The following IGF1R variants were observed in gnomAD, a reference collection of about 807,000 sequenced individuals.
The protein encoded by IGF1R is insulin-like growth factor 1 receptor.
In IGF1R, 44 loss-of-function variants were observed where a neutral mutation model predicts 144.6. The ratio of observed to expected loss-of-function variants is 0.30; its 90% CI spans 0.24 to 0.39. IGF1R has a LOEUF of 0.39. Ranked by LOEUF, IGF1R falls within the 10% of genes least tolerant of loss-of-function variation. The pLI is 1.00. For synonymous variants in IGF1R, 795 were observed against 722.8 expected, an observed-to-expected ratio of 1.10 and a Z score of -1.60; for missense variants, 1,355 against 1,833.7, an observed-to-expected ratio of 0.74 and a Z score of 4.77.
chr15:98,769,545 G>T (rs763423729), intron 2 of IGF1R, among the ~76,000 whole-genome samples: 73 of 152,186 alleles, frequency 4.8e-4, no homozygotes, highest in Non-Finnish European at 8.2e-4. Context: ...TTTAGACTTG[G>T]TAAGAAGTAT....
At chr15:98,666,104 T>C (rs947266010) in intron 1 of IGF1R, among the ~76,000 whole-genome samples, 7 of 152,168 alleles carry the variant, frequency 4.6e-5, no homozygotes, top group Non-Finnish European at 1.0e-4. Flanking sequence ...TTGAGGCAAA[T>C]AGGCACATGA....
At chr15:98,876,326 A>AG (rs1555455733) in intron 2 of IGF1R, among the ~76,000 whole-genome samples, 61 of 151,568 alleles carry the variant, frequency 4.0e-4, no homozygotes, top group African/African-American at 1.2e-3. Context: ...AAAAAAAAAA[A>AG]AGAGAGAGAG....
At chr15:98,709,615 A>T (rs1441977446) in intron 2 of IGF1R, among the ~76,000 whole-genome samples, 2 of 152,254 alleles carry the variant, frequency 1.3e-5, no homozygotes, top group African/African-American at 4.8e-5. Flanking sequence ...TCTGAAAAGT[A>T]AAAGGTGTTA....
At chr15:98,909,261 C>CTTTTTTTTTTTTTTTTTTTTTTTTTTTT (rs752298130) in intron 6 of IGF1R, among the ~76,000 whole-genome samples, 5 of 91,754 alleles carry the variant, frequency 5.4e-5, no homozygotes, top group African/African-American at 2.0e-4. Flanking sequence ...CTTTTTTTTT[C>CTTTTTTTTTTTTTTTTTTTTTTTTTTTT]TTTTTTTTTT....
chr15:98,845,021 T>C (rs1018771636), intron 2 of IGF1R, among the ~76,000 whole-genome samples: 1 of 152,196 alleles, frequency 6.6e-6, no homozygotes, highest in Non-Finnish European at 1.5e-5. Flanking sequence ...ACACACAACA[T>C]ACCAGGCCCA....
In IGF1R at chr15:98,786,432, A is replaced by T. The variant is rs145681698; in HGVS notation, c.640+78325A>T. ...ACACCTCTAGATTTTTCTGGGACAG[A>T]TGGCCCCATTGAAAGAGGCCATGTG... On this transcript the variant is annotated intron_variant, in intron 2 of 20. Coordinates refer to ENST00000650285, the MANE Select transcript of IGF1R (RefSeq NM_000875.5). Among the ~76,000 whole-genome samples the T allele has an allele frequency of 3.2e-3, 482 of 152,150 alleles. 3 individuals carry two copies. The highest frequency in any genetic ancestry group is 0.011 in the African/African-American group (455 of 41,504).
At chr15:98,691,428 A>G (rs2053474600) in intron 1 of IGF1R, among the ~76,000 whole-genome samples, 1 of 150,224 alleles carries the variant, frequency 6.7e-6, no homozygotes, top group Non-Finnish European at 1.5e-5. Context: ...CAATGGTGCA[A>G]CCTCGACTCA....
intron 5 of IGF1R, among the ~76,000 whole-genome samples, chr15:98,901,098 T>G (rs747915811): frequency 5.3e-5 from 8 of 152,256 alleles, no homozygotes; most frequent in Non-Finnish European, 1.2e-4. Flanking sequence ...CAAGAATATT[T>G]ATGATGTCTT....
chr15:98,715,557 T>C (rs1471524498), intron 2 of IGF1R, among the ~76,000 whole-genome samples: 2 of 152,236 alleles, frequency 1.3e-5, no homozygotes, highest in African/African-American at 4.8e-5. Context: ...TTTCCTCATG[T>C]GTATGCCAGT....
At position 98,916,134 on chromosome 15, in the gene IGF1R, A is replaced by G; in HGVS notation, c.1996+3A>G. ...CCGGCACAATTACTGCTCCAAAGGTAAGGGTGCAGCAGCGGCCTGGACGGA... is the reference window on the plus strand; with the variant it reads ...CCGGCACAATTACTGCTCCAAAGGTGAGGGTGCAGCAGCGGCCTGGACGGA... On this transcript the variant is annotated splice_donor_region_variant and intron_variant, in intron 9 of 20. Transcript: ENST00000650285. The G allele has an allele frequency of 1.9e-6, 3 of 1,614,100 alleles. No homozygotes were observed. Among genetic ancestry groups the G allele is most frequent in the Non-Finnish European group, 2.5e-6 (3 of 1,179,964 alleles).
intron 2 of IGF1R, among the ~76,000 whole-genome samples, chr15:98,875,346 T>C (rs951946363): frequency 9.8e-5 from 13 of 132,964 alleles, no homozygotes; most frequent in Non-Finnish European, 2.1e-4. Context: ...TTTCTTTTCT[T>C]TTCTTTTTTT....
chr15:98,765,893 T>G (rs959974799), intron 2 of IGF1R, among the ~76,000 whole-genome samples: 4 of 152,290 alleles, frequency 2.6e-5, no homozygotes, highest in Admixed American at 2.0e-4. Flanking sequence ...GGGTCAGTGT[T>G]GTCCTGCTAG....
At chr15:98,774,901 A>G (rs2141379164) in intron 2 of IGF1R, among the ~76,000 whole-genome samples, 1 of 152,072 alleles carries the variant, frequency 6.6e-6, no homozygotes, top group East Asian at 1.9e-4. Flanking sequence ...GTAGTACTCG[A>G]CTCATTATTG....
At chr15:98,719,307 C>T (rs1304653747) in intron 2 of IGF1R, among the ~76,000 whole-genome samples, 2 of 152,132 alleles carry the variant, frequency 1.3e-5, no homozygotes, top group Admixed American at 6.5e-5. Flanking sequence ...CAGGCAGCAC[C>T]ATCCGTTGGG....
rs190102786 is a variant in IGF1R at position 98,812,654 on chromosome 15, G to C, written c.641-78671G>C. Among the ~76,000 whole-genome samples, 499 of 152,026 alleles carry C rather than the reference G, an allele frequency of 3.3e-3. 3 individuals are homozygous for C. The highest frequency in any genetic ancestry group is 5.5e-3 in the Non-Finnish European group (373 of 67,962). On this transcript the variant is annotated intron_variant, in intron 2 of 20. Transcript: ENST00000650285. ...ATTACAGGCGTGAACCACCGTGCCC[G>C]GCCAAAAAAGCTTTTGAAAACTTCG...
chr15:98,895,500 C>T (rs1199277430), intron 3 of IGF1R, among the ~76,000 whole-genome samples: 1 of 152,010 alleles, frequency 6.6e-6, no homozygotes, highest in Non-Finnish European at 1.5e-5. Flanking sequence ...TGAAGGAAGC[C>T]TCTACCCAGG....
intron 20 of IGF1R, among the ~76,000 whole-genome samples, chr15:98,953,612 T>C (rs2016864454): frequency 6.6e-6 from 1 of 152,128 alleles, no homozygotes; most frequent in Non-Finnish European, 1.5e-5. Context: ...AACGCAGCCG[T>C]GGAAGACTTG....
intron 2 of IGF1R, among the ~76,000 whole-genome samples, chr15:98,830,564 C>A (rs936646671): frequency 6.7e-6 from 1 of 148,538 alleles, no homozygotes; most frequent in African/African-American, 2.5e-5. Flanking sequence ...GCTCATGGTT[C>A]TTCAGGCTGT....
chr15:98,770,861 C>T (rs894850293), intron 2 of IGF1R, among the ~76,000 whole-genome samples: 4 of 152,064 alleles, frequency 2.6e-5, no homozygotes, highest in Admixed American at 6.6e-5. Context: ...TGTCAAAATT[C>T]GTCTGTATGC....
Sources: gnomAD v4.1 joint callset for allele counts (sites outside exome capture counted in the v4.1 genomes callset) on GRCh38, gnomAD v4.1.1 for gene constraint, MANE v1.5 for transcripts, NCBI Gene and HGNC (gene_info 2026-07-23, HGNC 2026-07-21) for gene names.